CNTNAP3B: variants seen among roughly 807,000 people sequenced by gnomAD.
The protein encoded by CNTNAP3B is contactin associated protein family member 3B.
Under a neutral mutation model 108.9 loss-of-function variants are expected in CNTNAP3B, and 25 were observed. The observed-to-expected ratio is 0.23, with a 90% CI of 0.17 to 0.32. The LOEUF is 0.32. Among genes scored for constraint, CNTNAP3B ranks in the 10% least tolerant of loss-of-function variants. CNTNAP3B has a pLI of 1.00. For missense variants in CNTNAP3B, 252 were observed against 1,210.4 expected, an observed-to-expected ratio of 0.21 and a Z score of 11.75; for synonymous variants, 103 against 473.4, an observed-to-expected ratio of 0.22 and a Z score of 10.16.
At chr9:41,924,335 G>A (rs1163074620) in intron 15 of CNTNAP3B, among the ~76,000 whole-genome samples, 1 of 152,304 alleles carries the variant, frequency 6.6e-6, no homozygotes, top group East Asian at 1.9e-4. Flanking sequence ...AAAGCAATGA[G>A]ACCAGTCAGG....
At chr9:41,966,330 G>T (rs1311306414) in intron 10 of CNTNAP3B, among the ~76,000 whole-genome samples, 1 of 152,296 alleles carries the variant, frequency 6.6e-6, no homozygotes, top group African/African-American at 2.4e-5. Flanking sequence ...CAAAATATTT[G>T]GAAATAAGAA....
At chr9:41,947,351 T>A (rs1824557713) in intron 13 of CNTNAP3B, among the ~76,000 whole-genome samples, 1 of 152,186 alleles carries the variant, frequency 6.6e-6, no homozygotes, top group Non-Finnish European at 1.5e-5. Flanking sequence ...TGGAAATCAA[T>A]ACCAGAAAGA....
intron 12 of CNTNAP3B, among the ~76,000 whole-genome samples, chr9:41,958,637 C>T (rs1249547647): frequency 2.0e-5 from 3 of 151,930 alleles, no homozygotes; most frequent in African/African-American, 7.3e-5. Context: ...CATCACCACC[C>T]TTACATGGGA....
intron 3 of CNTNAP3B, among the ~76,000 whole-genome samples, chr9:42,072,985 A>C (rs1827406768): frequency 7.1e-6 from 1 of 139,906 alleles, no homozygotes; most frequent in South Asian, 2.3e-4. Context: ...TAAAAAATGC[A>C]AATAGCCCCA....
chr9:41,966,492 G>A (rs1459997125), intron 10 of CNTNAP3B, among the ~76,000 whole-genome samples: 2 of 152,262 alleles, frequency 1.3e-5, no homozygotes, highest in Non-Finnish European at 2.9e-5. Context: ...GGCAGAGGGA[G>A]GGCAGGAGTG....
chr9:41,939,732 C>T (rs2118074380), intron 13 of CNTNAP3B, among the ~76,000 whole-genome samples: 2 of 152,384 alleles, frequency 1.3e-5, no homozygotes, highest in South Asian at 2.1e-4. Flanking sequence ...TGTAAATTTA[C>T]ATCTAAATCT....
In CNTNAP3B at chr9:42,010,148, C is replaced by A. The variant is rs1826106943; in HGVS notation, c.538+3230G>T. On this transcript the variant is annotated intron_variant, in intron 4 of 23. Transcript: ENST00000377561. Reference sequence around the variant, plus strand: ...AGCTCCTTCAGGCCTTGCTGGGAGTCTGGATGTTGTTTTAGGAACAATGGA... The same window carrying A: ...AGCTCCTTCAGGCCTTGCTGGGAGTATGGATGTTGTTTTAGGAACAATGGA... Among the ~76,000 whole-genome samples, 3 of 80,254 alleles carry A rather than the reference C, an allele frequency of 3.7e-5. No homozygotes were observed. In the Admixed American group the frequency reaches 4.0e-4, roughly 11 times the overall value. 52.6% of individuals were successfully genotyped at this position (80,254 alleles called of 152,430 possible).
At chr9:42,042,748 A>G (rs1414814530) in intron 3 of CNTNAP3B, among the ~76,000 whole-genome samples, 3 of 112,284 alleles carry the variant, frequency 2.7e-5, no homozygotes, top group Admixed American at 9.1e-5. Context: ...TCCCGCAGAT[A>G]TCCAGGGATG....
chr9:42,038,583 T>A (rs1431674074), intron 3 of CNTNAP3B, among the ~76,000 whole-genome samples: 3 of 122,118 alleles, frequency 2.5e-5, no homozygotes, highest in Non-Finnish European at 5.1e-5. Flanking sequence ...CAGCTAACTA[T>A]CCTAAACATA....
intron 13 of CNTNAP3B, among the ~76,000 whole-genome samples, chr9:41,939,397 C>A (rs1162006048): frequency 6.6e-6 from 1 of 152,308 alleles, no homozygotes; most frequent in Middle Eastern, 3.2e-3. Context: ...TGGAACTTAG[C>A]TTCTACCTTA....
At chr9:41,960,553 G>C (rs1182170389) in intron 12 of CNTNAP3B, among the ~76,000 whole-genome samples, 1 of 152,276 alleles carries the variant, frequency 6.6e-6, no homozygotes, top group Non-Finnish European at 1.5e-5. Context: ...GTAGGAGCTA[G>C]AGAGATGCCT....
At chr9:42,016,653 G>A (rs1404109585) in intron 3 of CNTNAP3B, among the ~76,000 whole-genome samples, 21 of 151,934 alleles carry the variant, frequency 1.4e-4, no homozygotes, top group Admixed American at 2.0e-4. Flanking sequence ...AGAGGATTAC[G>A]TCTTCATTTT....
At chr9:42,122,092 T>C (rs1284285996) in intron 1 of CNTNAP3B, among the ~76,000 whole-genome samples, 7 of 139,776 alleles carry the variant, frequency 5.0e-5, no homozygotes, top group Non-Finnish European at 1.1e-4. Context: ...AAGTTTTCTA[T>C]GGGCAGCAGG....
chr9:41,928,077 A>G (rs1439899589), intron 15 of CNTNAP3B, among the ~76,000 whole-genome samples: 1 of 152,224 alleles, frequency 6.6e-6, no homozygotes, highest in Non-Finnish European at 1.5e-5. Flanking sequence ...GCTAAGGCAT[A>G]TTCTGGATAA....
At chr9:42,044,288 A>T (rs1826822918) in intron 3 of CNTNAP3B, among the ~76,000 whole-genome samples, 1 of 151,530 alleles carries the variant, frequency 6.6e-6, no homozygotes, top group Admixed American at 6.6e-5. Flanking sequence ...ATAAGAAAAA[A>T]ACATAGTACA....
intron 12 of CNTNAP3B, among the ~76,000 whole-genome samples, chr9:41,957,787 A>C (rs1284803890): frequency 6.6e-6 from 1 of 152,212 alleles, no homozygotes; most frequent in Non-Finnish European, 1.5e-5. Flanking sequence ...TTGAGACAAA[A>C]TCTCGCTCTG....
At chr9:42,128,578 G>A (rs1375447425) in intron 1 of CNTNAP3B, among the ~76,000 whole-genome samples, 3 of 131,982 alleles carry the variant, frequency 2.3e-5, no homozygotes, top group Admixed American at 7.6e-5. Flanking sequence ...TGCCAAGGTC[G>A]GCAAAACTGT....
intron 14 of CNTNAP3B, among the ~76,000 whole-genome samples, chr9:41,930,765 G>A (rs1823954086): frequency 6.6e-6 from 1 of 152,378 alleles, no homozygotes; most frequent in East Asian, 1.9e-4. Flanking sequence ...GATCCCCTAG[G>A]GGAACCTGGG....
intron 3 of CNTNAP3B, among the ~76,000 whole-genome samples, chr9:42,033,349 A>G (rs1826559566): frequency 6.6e-6 from 1 of 150,448 alleles, no homozygotes; most frequent in African/African-American, 2.5e-5. Context: ...GCTTATACAA[A>G]TTGAAAAGTA....
Sources: gnomAD v4.1 joint callset for allele counts (sites outside exome capture counted in the v4.1 genomes callset) on GRCh38, gnomAD v4.1.1 for gene constraint, MANE v1.5 for transcripts, NCBI Gene and HGNC (gene_info 2026-07-23, HGNC 2026-07-21) for gene names.